Variants in SCML2 observed in about 807,000 individuals in gnomAD.
SCML2 encodes Scm polycomb group protein like 2.
SCML2 carries 6 observed loss-of-function variants against 48.4 expected under a neutral mutation model. That is an observed-to-expected ratio of 0.12 (90% confidence interval 0.07 to 0.24). The LOEUF (loss-of-function observed/expected upper bound fraction) is 0.24. SCML2 is among the 10% of genes least tolerant of loss of function. SCML2 has a pLI of 1.00. For synonymous variants in SCML2, 181 were observed against 189.5 expected (o/e 0.95, Z 0.37); for missense variants, 377 against 528.2 (o/e 0.71, Z 2.81).
Position 18,265,711 on chromosome X carries a change from T to C in SCML2, c.822A>G (p.Ile274Met). 1 of 1,210,593 alleles carries C rather than the reference T, an allele frequency of 8.3e-7. No homozygotes were observed. Among genetic ancestry groups the C allele is most frequent in the Non-Finnish European group, 1.1e-6 (1 of 894,471 alleles). The change falls in exon 8 of 15, where the codon ATA becomes ATG. Residue 274 changes from isoleucine (I) to methionine (M), a missense_variant. Transcript: ENST00000251900. ...SMQSPQKTTL[I>M]LPTQQVRRSS... The stretch of plus-strand genomic sequence containing the variant: ...ATCTCCTGACCTGCTGTGTTGGTAA[T>C]ATTAGAGTAGTTTTCTGTGGAGACT...
rs781083777 is a variant in SCML2 at position 18,343,558 on chromosome X, A to G, written c.-24-9463T>C. Among the ~76,000 whole-genome samples, 10 of 109,933 alleles carry G rather than the reference A, an allele frequency of 9.1e-5. No homozygotes were observed. In the South Asian group the frequency reaches 3.9e-3, roughly 43 times the overall value. On this transcript the variant is annotated intron_variant, in intron 1 of 14. Transcript: ENST00000251900. ...GGTGGATCACGAGGTCAGGAGATCA[A>G]GACCATCCTGGCCAACATGGCAAAA...
At chrX:18,270,323 G>A (rs1009455772) in intron 7 of SCML2, among the ~76,000 whole-genome samples, 7 of 111,151 alleles carry the variant, frequency 6.3e-5, no homozygotes, top group African/African-American at 1.6e-4. Context: ...CACCGCGCCC[G>A]GCCAAAAATT....
chrX:18,251,988 CAT>C (rs1926680789), intron 11 of SCML2, among the ~76,000 whole-genome samples: 1 of 112,488 alleles, frequency 8.9e-6, no homozygotes, highest in African/African-American at 3.2e-5. Context: ...ACCTTGAAAA[CAT>C]AGGGTGGGCA....
At chrX:18,242,700 T>A (rs182197283) in intron 13 of SCML2, 110 bp from the exon 14 acceptor site, 2 of 830,245 alleles carry the variant, frequency 2.4e-6, no homozygotes, top group East Asian at 6.9e-5. Context: ...TTTGTTAAGT[T>A]CCCCAACAAG....
intron 7 of SCML2, among the ~76,000 whole-genome samples, chrX:18,277,357 C>T (rs1229661827): frequency 8.9e-6 from 1 of 112,498 alleles, no homozygotes; most frequent in African/African-American, 3.2e-5. Context: ...AGGCATGAGC[C>T]ACCATGCCAG....
chrX:18,311,809 A>G (rs1222466801), intron 6 of SCML2, among the ~76,000 whole-genome samples: 1 of 96,158 alleles, frequency 1.0e-5, no homozygotes, highest in African/African-American at 3.9e-5. Flanking sequence ...TTTGTTTTTG[A>G]GACGGAGTCT....
At position 18,320,327 on chromosome X, in the gene SCML2, CT is replaced by C; in HGVS notation, c.486+4del. 9.1e-7 allele frequency: 1 copy of C among 1,094,460 alleles called. No individual in the cohort carries two copies. The highest frequency in any genetic ancestry group is 1.2e-6 in the Non-Finnish European group (1 of 809,021). The allele number at this position is 1,094,460 out of a possible 1,213,427, so 90.2% of individuals were successfully genotyped here. On this transcript the variant is annotated splice_donor_region_variant and intron_variant, in intron 6 of 14. Transcript: ENST00000251900. ...CATGGCAGCTTTTTATAACATCTTTCTTACCTTCTTAAATAATGTGGCAGAT... is the reference window on the plus strand; with the variant it reads ...CATGGCAGCTTTTTATAACATCTTTCTACCTTCTTAAATAATGTGGCAGAT...
At chrX:18,260,350 A>G in intron 8 of SCML2, 59 bp from the exon 9 acceptor site, 1 of 900,177 alleles carries the variant, frequency 1.1e-6, no homozygotes, top group Non-Finnish European at 1.5e-6. Context: ...ATATTCTTAG[A>G]TAAGAAAGTC....
At chrX:18,335,993 C>T (rs955725028) in intron 1 of SCML2, among the ~76,000 whole-genome samples, 1 of 111,861 alleles carries the variant, frequency 8.9e-6, no homozygotes, top group Admixed American at 9.5e-5. Context: ...TATAAGGCAA[C>T]GGTATTCAAA....
chrX:18,255,794 C>T (rs1359628070), intron 11 of SCML2, among the ~76,000 whole-genome samples: 1 of 112,650 alleles, frequency 8.9e-6, no homozygotes, highest in East Asian at 2.8e-4. Context: ...GAATTAGAAT[C>T]CCTGGACTTA....
At chrX:18,304,196 C>T (rs1014163331) in intron 7 of SCML2, among the ~76,000 whole-genome samples, 12 of 111,248 alleles carry the variant, frequency 1.1e-4, no homozygotes, top group African/African-American at 2.9e-4. Flanking sequence ...CACGCCACCG[C>T]GCCCGGCTAA....
At chrX:18,273,248 C>T (rs983996607) in intron 7 of SCML2, among the ~76,000 whole-genome samples, 1 of 111,058 alleles carries the variant, frequency 9.0e-6, no homozygotes, top group Non-Finnish European at 1.9e-5. Flanking sequence ...CAGCTACTGC[C>T]TATAGTAATG....
intron 7 of SCML2, among the ~76,000 whole-genome samples, chrX:18,285,779 CTA>C (rs2147504223): frequency 9.0e-6 from 1 of 111,573 alleles, no homozygotes; most frequent in South Asian, 3.8e-4. Flanking sequence ...TTAAGAAAAA[CTA>C]TTGCACCAAA....
intron 7 of SCML2, among the ~76,000 whole-genome samples, chrX:18,293,765 T>C (rs1928305845): frequency 8.9e-6 from 1 of 112,238 alleles, no homozygotes; most frequent in Non-Finnish European, 1.9e-5. Flanking sequence ...GATTTTAAAA[T>C]GACAGATTAC....
intron 8 of SCML2, among the ~76,000 whole-genome samples, chrX:18,261,833 A>C (rs1927075382): frequency 9.1e-6 from 1 of 110,032 alleles, no homozygotes; most frequent in Non-Finnish European, 1.9e-5. Flanking sequence ...ATTTCACTTT[A>C]AATTTCACTA....
rs749021775 is a variant in SCML2 at position 18,324,869 on chromosome X, A to T, written c.162+38T>A. The T allele has an allele frequency of 3.0e-6, 3 of 989,028 alleles. No individual in the cohort carries two copies. In the South Asian group the frequency reaches 6.1e-5, roughly 20 times the overall value. The allele number at this position is 989,028 out of a possible 1,213,427, so 81.5% of individuals were successfully genotyped here. A position where few individuals can be genotyped will look rare whatever the true frequency, so the allele number is the denominator to read the frequency against. ...CACAGACGTCCTCCAACAAGTTAAT[A>T]GTTTACATTAACTAACAGCTACAGA... is the stretch of plus-strand genomic sequence containing the variant. On this transcript the variant is annotated intron_variant, in intron 4 of 14. Coordinates refer to ENST00000251900, the MANE Select transcript of SCML2 (RefSeq NM_006089.3).
intron 10 of SCML2, 61 bp from the exon 11 acceptor site, chrX:18,257,091 T>TA (rs201603110): frequency 0.012 from 8,169 of 681,134 alleles, 1 homozygote; most frequent in South Asian, 0.016. Context: ...CAACACTAAT[T>TA]AAAAAAAAAA....
At position 18,354,601 on chromosome X, in the gene SCML2, C is replaced by T. The variant is rs1930483825; in HGVS notation, c.-34G>A. 7.0e-6 allele frequency: 2 copies of T among 285,371 alleles called. No homozygotes were observed. The highest frequency in any genetic ancestry group is 2.1e-4 in the South Asian group (1 of 4,787). The allele number at this position is 285,371 out of a possible 1,213,427, so 23.5% of individuals were successfully genotyped here. A position where few individuals can be genotyped will look rare whatever the true frequency, so the allele number is the denominator to read the frequency against. ...CGGAATCACCACGTACCTCCAGTCT[C>T]GTCGGTGAAAACAACGAAATTCTGT... is the stretch of plus-strand genomic sequence containing the variant. On this transcript the variant is annotated 5_prime_UTR_variant, in exon 1 of 15. Transcript: ENST00000251900.
chrX:18,333,758 C>T (rs1929725298), intron 2 of SCML2, among the ~76,000 whole-genome samples: 1 of 111,849 alleles, frequency 8.9e-6, no homozygotes, highest in Admixed American at 9.5e-5. Context: ...TCTCATAGAG[C>T]AAAACAGGAT....
Sources: gnomAD v4.1 joint callset for allele counts (sites outside exome capture counted in the v4.1 genomes callset) on GRCh38, gnomAD v4.1.1 for gene constraint, MANE v1.5 for transcripts, NCBI Gene and HGNC (gene_info 2026-07-23, HGNC 2026-07-21) for gene names.